ADAMTSL1: variants seen among roughly 807,000 people sequenced by gnomAD.
The protein encoded by ADAMTSL1 is ADAMTS-like protein 1.
A neutral mutation model predicts 201.8 loss-of-function variants in ADAMTSL1; 126 were observed. The observed-to-expected ratio is 0.62, with a 90% confidence interval of 0.54 to 0.72. The LOEUF (loss-of-function observed/expected upper bound fraction) is 0.72. Among genes scored for constraint, ADAMTSL1 ranks in the 30% least tolerant of loss-of-function variants. ADAMTSL1 has a pLI of 0.00. For missense variants in ADAMTSL1, 2,679 were observed against 2,277.8 expected (o/e 1.18, Z -3.59); for synonymous variants, 1,121 against 903.4 (o/e 1.24, Z -4.32).
At chr9:18,417,548 T>C (rs1818741900) in intron 2 of ADAMTSL1, among the ~76,000 whole-genome samples, 1 of 152,006 alleles carries the variant, frequency 6.6e-6, no homozygotes, top group Non-Finnish European at 1.5e-5. Context: ...CATATCAGAA[T>C]GATACAGAGG....
chr9:18,026,181 A>T (rs1586913004), intron 1 of ADAMTSL1, among the ~76,000 whole-genome samples: 1 of 151,996 alleles, frequency 6.6e-6, no homozygotes, highest in Non-Finnish European at 1.5e-5. Flanking sequence ...TTCTTTTTCT[A>T]TTCGGATGTC....
intron 2 of ADAMTSL1, among the ~76,000 whole-genome samples, chr9:18,410,516 G>T (rs1818392611): frequency 6.6e-6 from 1 of 152,050 alleles, no homozygotes; most frequent in South Asian, 2.1e-4. Context: ...GAGAATAATG[G>T]CTTCCAATGA....
chr9:18,314,922 G>A lies in ADAMTSL1; in HGVS notation c.207+150941G>A, dbSNP rs1408961273. Among the ~76,000 whole-genome samples the A allele has an allele frequency of 7.9e-4, 114 of 145,126 alleles. 1 individual carries two copies. Among genetic ancestry groups the A allele is most frequent in the African/African-American group, 2.7e-3 (108 of 39,852 alleles). On this transcript the variant is annotated intron_variant, in intron 2 of 29. Transcript: ENST00000680146. ...CGCCATTCTCCTGCCTCAGCCTCCC[G>A]AGTAGCTGGGACTACAGGCGCCCGC...
intron 1 of ADAMTSL1, among the ~76,000 whole-genome samples, chr9:18,049,463 C>T (rs1462520567): frequency 3.3e-5 from 5 of 152,050 alleles, no homozygotes; most frequent in East Asian, 1.9e-4. Flanking sequence ...CTTTGGACAT[C>T]GGTATGTCTA....
chr9:18,674,062 G>C (rs1227694406), intron 9 of ADAMTSL1, among the ~76,000 whole-genome samples: 1 of 90,744 alleles, frequency 1.1e-5, no homozygotes, highest in Non-Finnish European at 2.5e-5. Context: ...AAAATGGGAT[G>C]GTTCACTCAA....
At chr9:18,509,428 A>T (rs1167103217) in intron 2 of ADAMTSL1, among the ~76,000 whole-genome samples, 3 of 152,202 alleles carry the variant, frequency 2.0e-5, no homozygotes, top group Non-Finnish European at 4.4e-5. Flanking sequence ...TTGCCACAGT[A>T]ATGCTGCATA....
chr9:18,317,347 A>G (rs1834443918), intron 2 of ADAMTSL1, among the ~76,000 whole-genome samples: 4 of 151,794 alleles, frequency 2.6e-5, no homozygotes, highest in Admixed American at 2.6e-4. Context: ...ATAATACTGT[A>G]TGGTTTACTT....
intron 23 of ADAMTSL1, among the ~76,000 whole-genome samples, chr9:18,835,184 C>T (rs113298960): frequency 4.6e-5 from 7 of 152,130 alleles, no homozygotes; most frequent in East Asian, 1.9e-4. Flanking sequence ...AGTGGTTTCT[C>T]ATTGTGGTTT....
intron 1 of ADAMTSL1, among the ~76,000 whole-genome samples, chr9:18,059,403 T>C (rs2131693454): frequency 6.6e-6 from 1 of 152,310 alleles, no homozygotes; most frequent in East Asian, 1.9e-4. Context: ...TTGTGAAATA[T>C]TGGAATGTGT....
chr9:18,654,201 C>A (rs545122522), intron 7 of ADAMTSL1, among the ~76,000 whole-genome samples: 1 of 152,318 alleles, frequency 6.6e-6, no homozygotes, highest in Admixed American at 6.5e-5. Context: ...TTCGCTCCAC[C>A]CTGGGTGACA....
chr9:18,803,470 C>G (rs1822924713), intron 20 of ADAMTSL1, among the ~76,000 whole-genome samples: 1 of 152,172 alleles, frequency 6.6e-6, no homozygotes, highest in South Asian at 2.1e-4. Flanking sequence ...TTAGGTTCAG[C>G]TGATTAGCAA....
chr9:18,473,793 A>G (rs16936748), upstream of ADAMTSL1: 1 of 190,576 alleles, frequency 5.2e-6, no homozygotes, highest in East Asian at 1.5e-4. Flanking sequence ...AGACATCAGC[A>G]CAGGCAAATG....
Position 18,807,068 on chromosome 9 carries a change from C to G in ADAMTSL1, c.3806-10041C>G, listed in dbSNP as rs181149264. ...CCGTGCAAAAATGATTCTTGTAATG[C>G]TTCTGTTTCTGTGTCTGACTATCTT... is the stretch of plus-strand genomic sequence containing the variant. On this transcript the variant is annotated intron_variant, in intron 20 of 28. Coordinates refer to ENST00000380548, the MANE Select transcript of ADAMTSL1 (RefSeq NM_001040272.6). 3.7e-3 allele frequency among the ~76,000 whole-genome samples: 562 copies of G among 152,276 alleles called. 3 individuals carry two copies. Among genetic ancestry groups the G allele is most frequent in the Non-Finnish European group, 6.1e-3 (412 of 68,030 alleles).
intron 1 of ADAMTSL1, among the ~76,000 whole-genome samples, chr9:18,127,982 G>C (rs942941219): frequency 3.9e-5 from 6 of 152,144 alleles, no homozygotes; most frequent in Admixed American, 6.5e-5. Flanking sequence ...TAAAGCTTAG[G>C]TGGTTGATAA....
chr9:18,764,738 G>C (rs954117435), intron 16 of ADAMTSL1, among the ~76,000 whole-genome samples: 1 of 152,230 alleles, frequency 6.6e-6, no homozygotes, highest in Admixed American at 6.5e-5. Context: ...AGATCAAAGT[G>C]AAGGGCATTG....
chr9:18,008,522 A>G (rs938469106), intron 1 of ADAMTSL1, among the ~76,000 whole-genome samples: 2 of 151,892 alleles, frequency 1.3e-5, no homozygotes, highest in Non-Finnish European at 2.9e-5. Context: ...AACAATCCCA[A>G]ATATTAGGGG....
Position 18,131,149 on chromosome 9 carries a change from A to G in ADAMTSL1, c.88-32713A>G, listed in dbSNP as rs1825934397. Among the ~76,000 whole-genome samples, 7 of 152,124 alleles carry G rather than the reference A, an allele frequency of 4.6e-5. No individual in the cohort carries two copies. In the South Asian group the frequency reaches 1.5e-3, roughly 32 times the overall value. ...TTCTTTCTACTGTACCACTCTACCT[A>G]AAAACTAAGTCTTGGTGTCATTGGC... On this transcript the variant is annotated intron_variant, in intron 1 of 29. Transcript: ENST00000680146.
At chr9:18,213,960 C>G (rs1829974064) in intron 2 of ADAMTSL1, among the ~76,000 whole-genome samples, 1 of 152,146 alleles carries the variant, frequency 6.6e-6, no homozygotes. Context: ...TGGTCTCGAA[C>G]TCCTGACCTC....
chr9:18,149,466 T>C (rs1043179832), intron 1 of ADAMTSL1, among the ~76,000 whole-genome samples: 1 of 152,010 alleles, frequency 6.6e-6, no homozygotes, highest in African/African-American at 2.4e-5. Flanking sequence ...TCTAGATAAT[T>C]GTAGAAAAGT....
Sources: allele counts gnomAD v4.1 joint callset (sites outside exome capture counted in the v4.1 genomes callset), GRCh38; gene constraint gnomAD v4.1.1; transcripts MANE v1.5; gene names NCBI Gene and HGNC (gene_info 2026-07-23, HGNC 2026-07-21).